RNF111: variants seen among roughly 807,000 people sequenced by gnomAD.
RNF111 encodes the protein ring finger protein 111, also known as E3 ubiquitin-protein ligase Arkadia.
A neutral mutation model predicts 95.1 loss-of-function variants in RNF111; 17 were observed. The observed-to-expected ratio is 0.18, with a 90% CI of 0.12 to 0.27. The LOEUF (loss-of-function observed/expected upper bound fraction) is 0.27. Ranked by LOEUF, RNF111 falls within the 10% of genes least tolerant of loss-of-function variation. The pLI, the probability that RNF111 is intolerant of heterozygous loss-of-function variation, is 1.00. For synonymous variants in RNF111, 440 were observed against 414.8 expected (o/e 1.06, Z -0.74); for missense variants, 1,189 against 1,210.4 (o/e 0.98, Z 0.26).
chr15:59,002,555 TA>T (rs35689684), intron 1 of RNF111, among the ~76,000 whole-genome samples: 39,466 of 144,566 alleles, frequency 0.27, 5,074 homozygotes, highest in East Asian at 0.39. Context: ...TGCATTTAAT[TA>T]AAAAAAAAAA....
intron 2 of RNF111, among the ~76,000 whole-genome samples, chr15:59,040,040 A>G (rs1025362824): frequency 1.3e-5 from 2 of 152,068 alleles, no homozygotes; most frequent in Admixed American, 1.3e-4. Context: ...GGGAGGTGAT[A>G]GAGACTACAG....
At chr15:59,067,626 A>G (rs957358594) in intron 6 of RNF111, among the ~76,000 whole-genome samples, 15 of 152,136 alleles carry the variant, frequency 9.9e-5, no homozygotes, top group African/African-American at 3.6e-4. Context: ...TGGACCAGGG[A>G]TGTGGGTAAT....
intron 10 of RNF111, among the ~76,000 whole-genome samples, chr15:59,087,097 A>G (rs553156499): frequency 1.3e-5 from 2 of 152,318 alleles, no homozygotes; most frequent in South Asian, 4.1e-4. Flanking sequence ...ATGAAAGTTG[A>G]ATGTCCAATA....
intron 1 of RNF111, among the ~76,000 whole-genome samples, chr15:59,011,658 G>C (rs752991991): frequency 6.6e-6 from 1 of 152,132 alleles, no homozygotes; most frequent in Non-Finnish European, 1.5e-5. Flanking sequence ...TTTGCATCCT[G>C]ATGTTGCTTT....
intron 4 of RNF111, 73 bp downstream of exon 4, chr15:59,055,918 A>T: frequency 8.3e-7 from 1 of 1,209,064 alleles, no homozygotes; most frequent in African/African-American, 1.6e-5. Context: ...TATGCTAGAA[A>T]CTCCTCCTGC....
At chr15:59,056,842 A>C (rs1488675087) in intron 4 of RNF111, among the ~76,000 whole-genome samples, 1 of 152,186 alleles carries the variant, frequency 6.6e-6, no homozygotes, top group Non-Finnish European at 1.5e-5. Context: ...ACTATTTTGG[A>C]AACTTTTTGT....
At chr15:58,989,081 G>C (rs2038693593) in intron 1 of RNF111, among the ~76,000 whole-genome samples, 1 of 152,104 alleles carries the variant, frequency 6.6e-6, no homozygotes, top group Admixed American at 6.6e-5. Flanking sequence ...GGTTGTAAAT[G>C]CTTGAATGTG....
intron 5 of RNF111, among the ~76,000 whole-genome samples, chr15:59,063,963 G>A (rs2042546736): frequency 1.3e-5 from 2 of 152,136 alleles, no homozygotes; most frequent in African/African-American, 4.8e-5. Flanking sequence ...ATATTGACTT[G>A]TATAACACTT....
intron 6 of RNF111, among the ~76,000 whole-genome samples, chr15:59,075,015 G>T (rs1370333639): frequency 1.3e-5 from 2 of 152,180 alleles, no homozygotes; most frequent in African/African-American, 4.8e-5. Flanking sequence ...ATGTTTATCT[G>T]TTAAATTTGT....
At chr15:59,092,188 T>TTCACTAATAAAAACTTATAAACTAATAA (rs1437191976) in intron 12 of RNF111, among the ~76,000 whole-genome samples, 36 of 152,344 alleles carry the variant, frequency 2.4e-4, no homozygotes, top group Admixed American at 2.2e-3. Context: ...GGATGTTACT[T>TTCACTAATAAAAACTTATAAACTAATAA]GAAACATTCA....
chr15:59,058,609 T>G (rs1364250331), intron 5 of RNF111, 59 bp downstream of exon 5: 1 of 1,447,260 alleles, frequency 6.9e-7, no homozygotes, highest in African/African-American at 1.4e-5. Context: ...AGGAAAAGTA[T>G]TATTGTTTTT....
At chr15:59,048,580 A>G (rs1414335787) in intron 2 of RNF111, among the ~76,000 whole-genome samples, 1 of 152,156 alleles carries the variant, frequency 6.6e-6, no homozygotes, top group East Asian at 1.9e-4. Context: ...TACACTTAAA[A>G]TCGGTGAATT....
At chr15:59,086,140 G>T (rs561717267) in intron 10 of RNF111, among the ~76,000 whole-genome samples, 6 of 149,742 alleles carry the variant, frequency 4.0e-5, no homozygotes, top group Non-Finnish European at 7.4e-5. Context: ...TTTTTTTTTC[G>T]ACAGAGTCTC....
Position 58,988,007 on chromosome 15 carries a change from TCTTC to T in RNF111, c.-74_-71del, listed in dbSNP as rs1361717751. On this transcript the variant is annotated 5_prime_UTR_variant, in exon 1 of 14. Coordinates refer to ENST00000348370, the MANE Select transcript of RNF111 (RefSeq NM_017610.8). ...TTACTCTTTACGCCTTACATTTCTG[TCTTC>T]CTTCCTGGGTCAGTGATTCCCGGAC... The T allele has an allele frequency of 6.6e-6, 1 of 151,198 alleles. No homozygotes were observed. The highest frequency in any genetic ancestry group is 1.5e-5 in the Non-Finnish European group (1 of 67,860). The allele number at this position is 151,198 out of a possible 1,614,324, so 9.4% of individuals were successfully genotyped here.
chr15:59,030,730 T>G, intron 1 of RNF111, 74 bp from the exon 2 acceptor site: 1 of 1,049,876 alleles, frequency 9.5e-7, no homozygotes, highest in Non-Finnish European at 1.3e-6. Context: ...CTTGGTGGAA[T>G]TTGAGAACTC....
Position 59,075,578 on chromosome 15 carries a change from A to G in RNF111, c.1687-376A>G, listed in dbSNP as rs1252287730. 3.9e-5 allele frequency among the ~76,000 whole-genome samples: 6 copies of G among 152,226 alleles called. No homozygotes were observed. In the East Asian group the frequency reaches 1.2e-3, roughly 29 times the overall value. The stretch of plus-strand genomic sequence containing the variant: ...ATGTTTTCTCAAGGAGTCCTAAAGT[A>G]CTAGTCACAATGTTGGGATAAAGGA... On this transcript the variant is annotated intron_variant, in intron 6 of 13. Coordinates refer to ENST00000348370, the MANE Select transcript of RNF111 (RefSeq NM_017610.8).
At chr15:59,081,399 C>G in intron 8 of RNF111, 115 bp downstream of exon 8, 1 of 847,132 alleles carries the variant, frequency 1.2e-6, no homozygotes, top group Non-Finnish European at 1.8e-6. Flanking sequence ...AGTCACAGCT[C>G]CTTGGGAGGC....
At chr15:59,001,884 A>G (rs2039339251) in intron 1 of RNF111, among the ~76,000 whole-genome samples, 1 of 152,222 alleles carries the variant, frequency 6.6e-6, no homozygotes, top group South Asian at 2.1e-4. Context: ...TATAAAGTTT[A>G]ATTTATACAT....
At chr15:59,091,326 C>T (rs2079046004) in intron 12 of RNF111, among the ~76,000 whole-genome samples, 172 bp downstream of exon 12, 1 of 152,118 alleles carries the variant, frequency 6.6e-6, no homozygotes, top group Non-Finnish European at 1.5e-5. Context: ...GTTTTTTACT[C>T]TGCAGACCCT....
Sources: allele counts gnomAD v4.1 joint callset (sites outside exome capture counted in the v4.1 genomes callset), GRCh38; gene constraint gnomAD v4.1.1; transcripts MANE v1.5; gene names NCBI Gene and HGNC (gene_info 2026-07-23, HGNC 2026-07-21).